FOXP1: variants seen among roughly 807,000 people sequenced by gnomAD.
FOXP1 encodes forkhead box protein P1.
FOXP1 carries 15 observed loss-of-function variants against 98.2 expected under a neutral mutation model. The observed-to-expected ratio is 0.15, with a 90% CI of 0.10 to 0.24. FOXP1 has a LOEUF of 0.24. Ranked by LOEUF, FOXP1 falls within the 10% of genes least tolerant of loss-of-function variation. The pLI is 1.00. For missense variants in FOXP1, 633 were observed against 848.5 expected (o/e 0.75, Z 3.15); for synonymous variants, 371 against 314.5 (o/e 1.18, Z -1.90).
At position 71,549,907 on chromosome 3, in the gene FOXP1, A is replaced by G. The variant is rs960392665; in HGVS notation, c.-298+31642T>C. On this transcript the variant is annotated intron_variant, in intron 2 of 20. Coordinates refer to ENST00000649528, the MANE Select transcript of FOXP1 (RefSeq NM_001349338.3). ...AAAAACGCTCTCTGGTAAACTTTTA[A>G]TTTTTTTAGGCCTCTTTATATTTAG... Among the ~76,000 whole-genome samples, 15 of 148,116 alleles carry G rather than the reference A, an allele frequency of 1.0e-4. 1 individual carries two copies. The highest frequency in any genetic ancestry group is 4.7e-4 in the Admixed American group (7 of 14,772).
At chr3:71,131,264 C>T (rs887248454) in intron 6 of FOXP1, among the ~76,000 whole-genome samples, 96 of 152,072 alleles carry the variant, frequency 6.3e-4, no homozygotes, top group African/African-American at 2.2e-3. Context: ...CTCCTTAACC[C>T]GCCCCAAAAT....
intron 3 of FOXP1, among the ~76,000 whole-genome samples, chr3:71,491,622 T>TTC (rs2091067270): frequency 6.6e-6 from 1 of 152,116 alleles, no homozygotes; most frequent in African/African-American, 2.4e-5. Context: ...GATTTTTTTT[T>TTC]TCTCTCTCTC....
chr3:71,310,567 T>C (rs1332025764), intron 4 of FOXP1, among the ~76,000 whole-genome samples: 1 of 152,202 alleles, frequency 6.6e-6, no homozygotes, highest in Non-Finnish European at 1.5e-5. Context: ...CCACGTCTGG[T>C]TTACTTCTGT....
intron 3 of FOXP1, among the ~76,000 whole-genome samples, chr3:71,367,642 C>A (rs564564166): frequency 1.3e-5 from 2 of 152,180 alleles, no homozygotes; most frequent in East Asian, 1.9e-4. Flanking sequence ...AAAACAACAA[C>A]AAAAAACAGT....
intron 12 of FOXP1, among the ~76,000 whole-genome samples, chr3:71,014,057 G>A (rs191941515): frequency 1.3e-5 from 2 of 152,260 alleles, no homozygotes; most frequent in Admixed American, 6.5e-5. Flanking sequence ...CCTAGAAAAA[G>A]AAAACCTAGG....
rs202156226 is a variant in FOXP1, at chr3:71,179,010, T to TAA, written c.180+19190_180+19191dup. ...ATTTGACCCTGGGAGGCACTCTGTC[T>TAA]AAAAAAAAAAAAAAAAAATTGACAA... On this transcript the variant is annotated intron_variant, in intron 6 of 20. Transcript: ENST00000649528. 3.2e-3 allele frequency among the ~76,000 whole-genome samples: 406 copies of TAA among 128,710 alleles called. 4 individuals are homozygous for TAA. Among genetic ancestry groups the TAA allele is most frequent in the Non-Finnish European group, 3.8e-3 (228 of 59,974 alleles). The allele number at this position is 128,710 out of a possible 152,430, so 84.4% of individuals were successfully genotyped here.
intron 5 of FOXP1, among the ~76,000 whole-genome samples, chr3:71,218,063 T>C (rs541577260): frequency 6.6e-6 from 1 of 152,312 alleles, no homozygotes; most frequent in South Asian, 2.1e-4. Context: ...ATCATATTAC[T>C]AATGAGCGGA....
chr3:71,012,610 A>C (rs1192548339), intron 12 of FOXP1, among the ~76,000 whole-genome samples: 1 of 152,188 alleles, frequency 6.6e-6, no homozygotes, highest in East Asian at 1.9e-4. Flanking sequence ...ATTAACCAAA[A>C]ATTTATATTC....
intron 5 of FOXP1, among the ~76,000 whole-genome samples, chr3:71,225,085 A>G (rs1478107898): frequency 6.6e-6 from 1 of 152,244 alleles, no homozygotes; most frequent in Admixed American, 6.5e-5. Context: ...AACAAGCAAC[A>G]TTGGATAAGG....
chr3:71,439,950 G>A (rs1401427338), intron 3 of FOXP1, among the ~76,000 whole-genome samples: 46 of 132,970 alleles, frequency 3.5e-4, no homozygotes, highest in African/African-American at 3.1e-4. Context: ...TCTGTCTCAG[G>A]AAAAAAAAAA....
intron 14 of FOXP1, among the ~76,000 whole-genome samples, chr3:70,980,930 C>A (rs71298363): frequency 6.6e-6 from 1 of 152,158 alleles, no homozygotes; most frequent in African/African-American, 2.4e-5. Flanking sequence ...CTGTGGCTTT[C>A]TGAAAGATGC....
At chr3:71,548,602 T>C (rs1216852148) in intron 2 of FOXP1, among the ~76,000 whole-genome samples, 2 of 152,156 alleles carry the variant, frequency 1.3e-5, no homozygotes, top group Admixed American at 1.3e-4. Context: ...TTTCACCATG[T>C]TGCCCAGGCT....
intron 20 of FOXP1, among the ~76,000 whole-genome samples, chr3:70,960,452 C>T (rs189147138): frequency 2.0e-5 from 3 of 152,190 alleles, no homozygotes; most frequent in Non-Finnish European, 2.9e-5. Context: ...CACAAAACCG[C>T]TCGGATAACT....
At chr3:71,374,907 A>G (rs897426886) in intron 3 of FOXP1, among the ~76,000 whole-genome samples, 1 of 152,196 alleles carries the variant, frequency 6.6e-6, no homozygotes, top group African/African-American at 2.4e-5. Flanking sequence ...TCTATCTACT[A>G]GCCATTTCCA....
chr3:71,099,087 C>T (rs1437969511), intron 7 of FOXP1, among the ~76,000 whole-genome samples: 2 of 152,146 alleles, frequency 1.3e-5, no homozygotes, highest in Non-Finnish European at 2.9e-5. Context: ...CCATCAATTC[C>T]GGTTACCCAA....
intron 3 of FOXP1, among the ~76,000 whole-genome samples, chr3:71,473,339 C>T (rs1352823210): frequency 6.6e-6 from 1 of 152,108 alleles, no homozygotes; most frequent in Non-Finnish European, 1.5e-5. Context: ...CCCTGAAATA[C>T]ACTCCACCTT....
At chr3:71,310,261 T>C (rs188889020) in intron 4 of FOXP1, among the ~76,000 whole-genome samples, 31 of 152,346 alleles carry the variant, frequency 2.0e-4, no homozygotes, top group African/African-American at 7.5e-4. Flanking sequence ...TTTACTTATA[T>C]ACTTATTTTT....
chr3:71,531,457 G>A (rs2043841344), intron 2 of FOXP1, among the ~76,000 whole-genome samples: 1 of 152,062 alleles, frequency 6.6e-6, no homozygotes, highest in Non-Finnish European at 1.5e-5. Flanking sequence ...TATATTGCCA[G>A]TCCACCCTGG....
At chr3:71,156,152 C>G (rs1322887938) in intron 6 of FOXP1, among the ~76,000 whole-genome samples, 2 of 152,064 alleles carry the variant, frequency 1.3e-5, no homozygotes, top group African/African-American at 2.4e-5. Flanking sequence ...CAGAGCAAAG[C>G]ATCACAAGGA....
Sources: gnomAD v4.1 joint callset for allele counts (sites outside exome capture counted in the v4.1 genomes callset) on GRCh38, gnomAD v4.1.1 for gene constraint, MANE v1.5 for transcripts, NCBI Gene and HGNC (gene_info 2026-07-23, HGNC 2026-07-21) for gene names.